The following LMO3 variants were observed in gnomAD, a reference collection of about 807,000 sequenced individuals.
LMO3 encodes the protein LIM domain only protein 3.
LMO3 carries 2 observed loss-of-function variants against 15.8 expected under a neutral mutation model. The ratio of observed to expected loss-of-function variants is 0.13; its 90% CI spans 0.05 to 0.40. LMO3 has a LOEUF of 0.40. Among genes scored for constraint, LMO3 ranks in the 10% least tolerant of loss-of-function variants. The probability of loss-of-function intolerance (pLI) is 0.99; values close to 1 mark genes in which losing one functional copy is unlikely to be tolerated. For missense variants in LMO3, 86 were observed against 182.2 expected (o/e 0.47, Z 3.04); for synonymous variants, 62 against 63.8 (o/e 0.97, Z 0.13).
rs1941933875 is a variant in LMO3 at position 16,550,155 on chromosome 12, A to G, written c.*1067T>C. Reference sequence around the variant, plus strand: ...GTAACCTCACTACTCAAATACCATCATAGCTTCAATGTGCATTATAGTGAT... The same window carrying G: ...GTAACCTCACTACTCAAATACCATCGTAGCTTCAATGTGCATTATAGTGAT... On this transcript the variant is annotated 3_prime_UTR_variant, in exon 4 of 4. Coordinates refer to ENST00000537304, the MANE Select transcript of LMO3 (RefSeq NM_018640.5). The G allele has an allele frequency of 6.6e-6, 1 of 152,092 alleles. No homozygotes were observed. Among genetic ancestry groups the G allele is most frequent in the African/African-American group, 2.4e-5 (1 of 41,442 alleles). 9.4% of individuals were successfully genotyped at this position (152,092 alleles called of 1,614,324 possible). A position where few individuals can be genotyped will look rare whatever the true frequency, so the allele number is the denominator to read the frequency against.
Position 16,584,731 on chromosome 12 carries a change from T to C in LMO3, c.206+15924A>G, listed in dbSNP as rs979746779. On this transcript the variant is annotated intron_variant, in intron 2 of 3. Coordinates refer to ENST00000537304, the MANE Select transcript of LMO3 (RefSeq NM_018640.5). This position sits in a 1 kb window ranked among gnomAD's most constrained non-coding sequence, Gnocchi z 5.2. ...TCAAGAAACAGCAAGAGATTTCTTT[T>C]ATCAGGACGGGCTGCTTCTCGCCTC... Among the ~76,000 whole-genome samples, 7 of 152,164 alleles carry C rather than the reference T, an allele frequency of 4.6e-5. No individual in the cohort carries two copies. Among genetic ancestry groups the C allele is most frequent in the Admixed American group, 1.3e-4 (2 of 15,274 alleles).
chr12:16,594,132 C>G, intron 2 of LMO3: 2 of 1,531,982 alleles, frequency 1.3e-6, no homozygotes, highest in Non-Finnish European at 1.7e-6. Flanking sequence ...AGTTTTAAAG[C>G]TTACCAAGCT....
chr12:16,581,465 A>G (rs1943157318), intron 2 of LMO3, among the ~76,000 whole-genome samples: 1 of 152,200 alleles, frequency 6.6e-6, no homozygotes, highest in South Asian at 2.1e-4. Context: ...AAATAATACT[A>G]AAATATAAGA....
chr12:16,599,126 G>A lies in LMO3; in HGVS notation c.206+1529C>T, dbSNP rs1284427483. The A allele has an allele frequency of 6.6e-6, 1 of 152,602 alleles. No individual in the cohort carries two copies. Among genetic ancestry groups the A allele is most frequent in the Non-Finnish European group, 1.5e-5 (1 of 68,234 alleles). 9.5% of individuals were successfully genotyped at this position (152,602 alleles called of 1,614,324 possible). ...GCTCTAATTCACAATGGGCAGAAGA[G>A]AAATTTTTATTTCAAAGAGGAAAGT... On this transcript the variant is annotated intron_variant, in intron 2 of 3. Transcript: ENST00000537304. The surrounding 1 kb of genome is among the most constrained non-coding windows in gnomAD (Gnocchi z 4.1).
chr12:16,590,705 T>C (rs1423706178), intron 2 of LMO3, among the ~76,000 whole-genome samples: 2 of 152,122 alleles, frequency 1.3e-5, no homozygotes, highest in African/African-American at 4.8e-5. Context: ...AGCTCATCAA[T>C]ATAGGCATTT....
intron 1 of LMO3, chr12:16,605,249 C>T: frequency 1.6e-6 from 2 of 1,273,510 alleles, no homozygotes; most frequent in Non-Finnish European, 2.0e-6. Flanking sequence ...CTGTCACATG[C>T]AGCGTTAGCA....
In LMO3 at chr12:16,586,533, T is replaced by C. The variant is rs2137581154; in HGVS notation, c.206+14122A>G. ...ACAGAAAAAAATCTGTTGTATAATA[T>C]TGTCAGATTCAGGCCAACTGAATTC... On this transcript the variant is annotated intron_variant, in intron 2 of 3. Transcript: ENST00000537304. The surrounding 1 kb of genome is among the most constrained non-coding windows in gnomAD (Gnocchi z 4.3). Among the ~76,000 whole-genome samples, 1 of 152,284 alleles carries C rather than the reference T, an allele frequency of 6.6e-6. No individual in the cohort carries two copies.
Position 16,576,364 on chromosome 12 carries a change from C to T in LMO3, c.207-15826G>A, listed in dbSNP as rs562086044. Among the ~76,000 whole-genome samples the T allele has an allele frequency of 1.3e-5, 2 of 152,294 alleles. No homozygotes were observed. The highest frequency in any genetic ancestry group is 6.5e-5 in the Admixed American group (1 of 15,306). ...GTCTACTCCCTGGACTCAGCATCTA[C>T]TTTCACACCTGATGTCCTACCACTC... On this transcript the variant is annotated intron_variant, in intron 2 of 3. Transcript: ENST00000537304. This position sits in a 1 kb window ranked among gnomAD's most constrained non-coding sequence, Gnocchi z 4.1.
chr12:16,604,918 G>A lies in LMO3; in HGVS notation c.-9+1148C>T. On this transcript the variant is annotated intron_variant, in intron 1 of 3. Transcript: ENST00000537304. The surrounding 1 kb of genome is among the most constrained non-coding windows in gnomAD (Gnocchi z 5.3). The stretch of plus-strand genomic sequence containing the variant: ...TTGACTTAGGCGTGTCTGAGTTGCA[G>A]CAGCTTCGCATTGAGCACCAAACCC... The A allele has an allele frequency of 1.3e-6, 2 of 1,598,436 alleles. No homozygotes were observed. Among genetic ancestry groups the A allele is most frequent in the Non-Finnish European group, 1.7e-6 (2 of 1,179,798 alleles).
At chr12:16,573,119 C>A (rs940545355) in intron 2 of LMO3, among the ~76,000 whole-genome samples, 1 of 151,722 alleles carries the variant, frequency 6.6e-6, no homozygotes, top group African/African-American at 2.4e-5. Flanking sequence ...GTAAGCCACT[C>A]AGTCAAATCA....
At chr12:16,574,173 A>C (rs1232873025) in intron 2 of LMO3, among the ~76,000 whole-genome samples, 1 of 152,154 alleles carries the variant, frequency 6.6e-6, no homozygotes, top group African/African-American at 2.4e-5. Flanking sequence ...AGTTAGAGGA[A>C]GACAGTAGGG....
chr12:16,567,684 G>A (rs1942665274), intron 2 of LMO3: 1 of 152,192 alleles, frequency 6.6e-6, no homozygotes, highest in Non-Finnish European at 1.5e-5. Flanking sequence ...GTTAGGTGGA[G>A]TAGGTAGAGA....
Position 16,598,617 on chromosome 12 carries a change from T to C in LMO3, c.206+2038A>G, listed in dbSNP as rs1226151601. The C allele has an allele frequency of 2.0e-5, 3 of 153,784 alleles. No homozygotes were observed. Among genetic ancestry groups the C allele is most frequent in the Non-Finnish European group, 4.3e-5 (3 of 68,996 alleles). The allele number at this position is 153,784 out of a possible 1,614,324, so 9.5% of individuals were successfully genotyped here. A position where few individuals can be genotyped will look rare whatever the true frequency, so the allele number is the denominator to read the frequency against. ...CTACAAAAAGCCACATACACTCTTA[T>C]AGAGATACAAAAACTTCTGATATGA... On this transcript the variant is annotated intron_variant, in intron 2 of 3. Transcript: ENST00000537304. The surrounding 1 kb of genome is among the most constrained non-coding windows in gnomAD (Gnocchi z 4.3).
intron 2 of LMO3, among the ~76,000 whole-genome samples, chr12:16,566,444 G>A (rs1234278540): frequency 6.6e-6 from 1 of 151,944 alleles, no homozygotes; most frequent in African/African-American, 2.4e-5. Flanking sequence ...TAATGTATGA[G>A]GCGATGGGTA....
At chr12:16,575,458 G>A (rs1185469376) in intron 2 of LMO3, among the ~76,000 whole-genome samples, 1 of 152,096 alleles carries the variant, frequency 6.6e-6, no homozygotes, top group Non-Finnish European at 1.5e-5. Flanking sequence ...ACGAAATTTG[G>A]TCAATTATGT....
chr12:16,579,788 T>C (rs893837451), intron 2 of LMO3, among the ~76,000 whole-genome samples: 46 of 152,362 alleles, frequency 3.0e-4, no homozygotes, highest in Admixed American at 6.5e-5. Context: ...GTGAATGCGA[T>C]ACTTTACAGA....
chr12:16,579,723 C>T lies in LMO3; in HGVS notation c.207-19185G>A, dbSNP rs376474904. 2.0e-4 allele frequency among the ~76,000 whole-genome samples: 31 copies of T among 152,270 alleles called. No individual in the cohort carries two copies. In the South Asian group the frequency reaches 5.8e-3, roughly 29 times the overall value. On this transcript the variant is annotated intron_variant, in intron 2 of 3. Coordinates refer to ENST00000537304, the MANE Select transcript of LMO3 (RefSeq NM_018640.5). ...CAGTAAGAATTCAGAAAATTTTTATCTTGTTTTTCCAGTAGAAATAGCATT... is the reference window on the plus strand; with the variant it reads ...CAGTAAGAATTCAGAAAATTTTTATTTTGTTTTTCCAGTAGAAATAGCATT...
intron 2 of LMO3, among the ~76,000 whole-genome samples, chr12:16,566,195 C>T (rs1478736163): frequency 6.7e-6 from 1 of 150,136 alleles, no homozygotes; most frequent in African/African-American, 2.5e-5. Context: ...AATAAAAAGT[C>T]GACATCATAG....
At chr12:16,564,256 T>C (rs1284232381) in intron 2 of LMO3, among the ~76,000 whole-genome samples, 4 of 152,206 alleles carry the variant, frequency 2.6e-5, no homozygotes, top group Admixed American at 2.6e-4. Context: ...CACACTGTAG[T>C]GAGCATGCAC....
Sources: allele counts gnomAD v4.1 joint callset (sites outside exome capture counted in the v4.1 genomes callset), GRCh38; gene constraint gnomAD v4.1.1; non-coding constraint Gnocchi (gnomAD v3.1); transcripts MANE v1.5; gene names NCBI Gene and HGNC (gene_info 2026-07-23, HGNC 2026-07-21).